Variants in VANGL1 observed in about 807,000 individuals in gnomAD.
VANGL1 encodes the protein VANGL planar cell polarity protein 1.
VANGL1 carries 18 observed loss-of-function variants against 48.4 expected under a neutral mutation model. The observed-to-expected ratio is 0.37, with a 90% confidence interval of 0.26 to 0.55. The LOEUF (loss-of-function observed/expected upper bound fraction) is 0.55, where lower values mean the gene tolerates loss of function less well. VANGL1 is among the 20% of genes least tolerant of loss of function. The pLI, the probability that VANGL1 is intolerant of heterozygous loss-of-function variation, is 0.81. For missense variants in VANGL1, 667 were observed against 675.8 expected, an observed-to-expected ratio of 0.99 and a Z score of 0.14; for synonymous variants, 257 against 261.8, an observed-to-expected ratio of 0.98 and a Z score of 0.18.
intron 4 of VANGL1, among the ~76,000 whole-genome samples, chr1:115,669,344 C>T (rs1005505760): frequency 2.0e-5 from 3 of 152,160 alleles, no homozygotes; most frequent in Non-Finnish European, 4.4e-5. Flanking sequence ...TTTTAAGCTT[C>T]AGGGTCAAAG....
chr1:115,647,534 T>C (rs1200483119), intron 1 of VANGL1, among the ~76,000 whole-genome samples: 3 of 152,244 alleles, frequency 2.0e-5, no homozygotes, highest in East Asian at 1.9e-4. Flanking sequence ...TTGCCTCTTA[T>C]TGCATCCTCT....
chr1:115,642,134 C>T (rs1308357334), intron 1 of VANGL1, 48 bp downstream of exon 1: 1 of 151,802 alleles, frequency 6.6e-6, no homozygotes, highest in African/African-American at 2.4e-5. Flanking sequence ...GTCCCCGGGG[C>T]AGACCGTTGG....
intron 4 of VANGL1, among the ~76,000 whole-genome samples, chr1:115,676,781 G>T (rs114931376): frequency 6.6e-6 from 1 of 152,210 alleles, no homozygotes; most frequent in Non-Finnish European, 1.5e-5. Context: ...CTTGGATCTC[G>T]CAGGCTGCTG....
chr1:115,687,464 G>A lies in VANGL1; in HGVS notation c.1314+1937G>A, dbSNP rs1201046693. Among the ~76,000 whole-genome samples the A allele has an allele frequency of 2.9e-5, 4 of 138,046 alleles. 1 individual carries two copies. The highest frequency in any genetic ancestry group is 6.3e-5 in the Non-Finnish European group (4 of 63,188). 90.6% of individuals were successfully genotyped at this position (138,046 alleles called of 152,430 possible). A position where few individuals can be genotyped will look rare whatever the true frequency, so the allele number is the denominator to read the frequency against. On this transcript the variant is annotated intron_variant, in intron 7 of 7. Transcript: ENST00000355485. ...TTTACAAGATTTTAGAAAGTTTCCT[G>A]GTTGCTTTTTGTTTCATTTAAAAAT...
chr1:115,678,704 C>T (rs547687514), intron 4 of VANGL1, among the ~76,000 whole-genome samples: 1 of 152,226 alleles, frequency 6.6e-6, no homozygotes, highest in African/African-American at 2.4e-5. Context: ...ACCTGTAGTT[C>T]CAGAACTTTG....
Position 115,663,973 on chromosome 1 carries a change from C to T in VANGL1, c.517C>T (p.Arg173Cys), listed in dbSNP as rs200535188. ...CATAGGGACCTGGGCACTTTTTTTC[C>T]GCAAGCGGAGAGCTGACATGCCACG... ...LLIGTWALFF[R>C]KRRADMPRVF... is the part of the protein sequence containing the mutation. Residue 173 changes from arginine (R) to cysteine (C), a missense_variant, in exon 4 of 8, where the codon CGC becomes TGC. Coordinates refer to ENST00000355485, the MANE Select transcript of VANGL1 (RefSeq NM_138959.3). 5.5e-5 allele frequency: 89 copies of T among 1,614,158 alleles called. No individual in the cohort carries two copies. The African/African-American group carries it at 8.8e-4, about 16-fold the overall frequency.
intron 2 of VANGL1, among the ~76,000 whole-genome samples, chr1:115,653,577 G>A (rs1226507604): frequency 6.6e-6 from 1 of 152,130 alleles, no homozygotes; most frequent in African/African-American, 2.4e-5. Flanking sequence ...AACCATCTCT[G>A]GGCTCTTTTG....
rs1273510210 is a variant in VANGL1, at chr1:115,693,735, A to C, written c.*2356A>C. ...TCTTTATAGCTTGAGTTACTTTTGCAGTGGGAACAATGTAAATGACATTTA... is the reference window on the plus strand; with the variant it reads ...TCTTTATAGCTTGAGTTACTTTTGCCGTGGGAACAATGTAAATGACATTTA... On this transcript the variant is annotated 3_prime_UTR_variant, in exon 8 of 8. Coordinates refer to ENST00000355485, the MANE Select transcript of VANGL1 (RefSeq NM_138959.3). The C allele has an allele frequency of 6.6e-6, 1 of 152,186 alleles. No individual in the cohort carries two copies. The highest frequency in any genetic ancestry group is 1.5e-5 in the Non-Finnish European group (1 of 68,036). The allele number at this position is 152,186 out of a possible 1,614,324, so 9.4% of individuals were successfully genotyped here.
At position 115,693,135 on chromosome 1, in the gene VANGL1, C is replaced by G. The variant is rs1276952372; in HGVS notation, c.*1756C>G. On this transcript the variant is annotated 3_prime_UTR_variant, in exon 8 of 8. Coordinates refer to ENST00000355485, the MANE Select transcript of VANGL1 (RefSeq NM_138959.3). ...GGAACCCATAGGTGTGGCGTGGAGC[C>G]AAGATGTACTATTCAACTATGTGTT... 1 of 152,548 alleles carries G rather than the reference C, an allele frequency of 6.6e-6. No homozygotes were observed. Among genetic ancestry groups the G allele is most frequent in the Non-Finnish European group, 1.5e-5 (1 of 68,036 alleles). The allele number at this position is 152,548 out of a possible 1,614,324, so 9.4% of individuals were successfully genotyped here.
At chr1:115,665,328 C>T (rs1420209566) in intron 4 of VANGL1, among the ~76,000 whole-genome samples, 1 of 152,228 alleles carries the variant, frequency 6.6e-6, no homozygotes, top group African/African-American at 2.4e-5. Flanking sequence ...CCCAGGCTCT[C>T]TGCCTCCTTA....
In VANGL1 at chr1:115,685,331, A is replaced by G; in HGVS notation, c.1118A>G (p.Gln373Arg). 6.2e-7 allele frequency: 1 copy of G among 1,614,186 alleles called. No homozygotes were observed. The highest frequency in any genetic ancestry group is 8.5e-7 in the Non-Finnish European group (1 of 1,180,026). Residue 373 changes from glutamine (Q) to arginine (R), a missense_variant, in exon 7 of 8, where the codon CAG becomes CGG. Transcript: ENST00000355485. ...GTGGAAGAGGCCTTCATCCACATTC[A>G]GCGTCTCCAGGCTGAGGAGCAGCAG... ...VAVEEAFIHI[Q>R]RLQAEEQQKA...
chr1:115,690,990 C>G, intron 7 of VANGL1, 129 bp from the exon 8 acceptor site: 1 of 1,284,762 alleles, frequency 7.8e-7, no homozygotes, highest in East Asian at 2.5e-5. Flanking sequence ...GTGTGATGAG[C>G]TGGGCTCTGG....
In VANGL1 at chr1:115,664,091, G is replaced by C; in HGVS notation, c.635G>C (p.Arg212Pro). ...TACGGGGTCCGCATTTTGGACTCTC[G>C]GGACCGGAATTACCAGGGCATTGTG... ...LFYGVRILDS[R>P]DRNYQGIVQY... The change falls in exon 4 of 8, where the codon CGG (arginine) becomes CCG (proline). Residue 212 changes from arginine to proline, a missense_variant. Coordinates refer to ENST00000355485, the MANE Select transcript of VANGL1 (RefSeq NM_138959.3). 1 of 1,614,078 alleles carries C rather than the reference G, an allele frequency of 6.2e-7. No individual in the cohort carries two copies. Among genetic ancestry groups the C allele is most frequent in the Non-Finnish European group, 8.5e-7 (1 of 1,180,028 alleles).
At chr1:115,684,389 C>G (rs980471741) in intron 6 of VANGL1, among the ~76,000 whole-genome samples, 1 of 152,194 alleles carries the variant, frequency 6.6e-6, no homozygotes, top group African/African-American at 2.4e-5. Flanking sequence ...ATGTGCCTGT[C>G]TCAGCCTCCC....
chr1:115,676,715 C>T (rs1024086694), intron 4 of VANGL1, among the ~76,000 whole-genome samples: 1 of 152,202 alleles, frequency 6.6e-6, no homozygotes, highest in African/African-American at 2.4e-5. Context: ...GATATTTAAG[C>T]TCATGAGACT....
chr1:115,651,476 C>A lies in VANGL1; in HGVS notation c.63C>A (p.His21Gln), dbSNP rs1342077095. 6.2e-7 allele frequency: 1 copy of A among 1,613,820 alleles called. No individual in the cohort carries two copies. Among genetic ancestry groups the A allele is most frequent in the Non-Finnish European group, 8.5e-7 (1 of 1,179,872 alleles). ...SYYSSHSKKS[H>Q]RQGERTRERH... ...ATTCAAGTCATTCGAAAAAATCTCA[C>A]AGACAAGGGTATGTAAGTTGTTCAT... is the stretch of plus-strand genomic sequence containing the variant. The change falls in exon 2 of 8, where the codon CAC becomes CAA. Residue 21 changes from histidine to glutamine, a missense_variant. Coordinates refer to ENST00000355485, the MANE Select transcript of VANGL1 (RefSeq NM_138959.3).
intron 2 of VANGL1, among the ~76,000 whole-genome samples, chr1:115,651,821 A>T: frequency 6.6e-6 from 1 of 151,072 alleles, no homozygotes; most frequent in Non-Finnish European, 1.5e-5. Flanking sequence ...CAGTGGTGCC[A>T]TCTCGGCTCA....
intron 1 of VANGL1, among the ~76,000 whole-genome samples, chr1:115,649,230 G>A (rs1652047056): frequency 6.6e-6 from 1 of 152,126 alleles, no homozygotes; most frequent in Non-Finnish European, 1.5e-5. Context: ...AAGTCCAGGA[G>A]CAAAACTTAG....
intron 6 of VANGL1, 53 bp downstream of exon 6, chr1:115,684,129 T>TTTAC (rs1653504983): frequency 3.2e-6 from 4 of 1,246,792 alleles, no homozygotes; most frequent in Non-Finnish European, 4.1e-6. Context: ...AAATTTTTAT[T>TTTAC]TTATTTATTT....
Sources: allele counts gnomAD v4.1 joint callset (sites outside exome capture counted in the v4.1 genomes callset), GRCh38; gene constraint gnomAD v4.1.1; transcripts MANE v1.5; gene names NCBI Gene and HGNC (gene_info 2026-07-23, HGNC 2026-07-21).